Variants in MEF2C observed in about 807,000 individuals in gnomAD.
The protein encoded by MEF2C is myocyte enhancer factor 2C, also known as myocyte-specific enhancer factor 2C.
A neutral mutation model predicts 50.5 loss-of-function variants in MEF2C; 6 were observed. The ratio of observed to expected loss-of-function variants is 0.12; its 90% CI spans 0.07 to 0.23. MEF2C has a LOEUF of 0.23. Among genes scored for constraint, MEF2C ranks in the 10% least tolerant of loss-of-function variants. The probability of loss-of-function intolerance (pLI) is 1.00; values close to 1 mark genes in which losing one functional copy is unlikely to be tolerated. For missense variants in MEF2C, 276 were observed against 605.0 expected (o/e 0.46, Z 5.70); for synonymous variants, 183 against 228.0 (o/e 0.80, Z 1.78).
chr5:88,746,022 G>A (rs527661550), intron 6 of MEF2C, among the ~76,000 whole-genome samples: 2 of 152,226 alleles, frequency 1.3e-5, no homozygotes, highest in Non-Finnish European at 2.9e-5. Flanking sequence ...TAGAGCTGGA[G>A]GGCCGGGTTC....
At chr5:88,902,234 C>T (rs1429684785) in intron 1 of MEF2C, among the ~76,000 whole-genome samples, 14 of 151,534 alleles carry the variant, frequency 9.2e-5, no homozygotes, top group East Asian at 1.9e-4. Flanking sequence ...AAAAATTTAG[C>T]GACTATAGTT....
chr5:88,848,054 C>T lies in MEF2C; in HGVS notation c.-142-24124G>A, dbSNP rs1387428372. Among the ~76,000 whole-genome samples the T allele has an allele frequency of 2.0e-5, 3 of 152,144 alleles. No homozygotes were observed. In the East Asian group the frequency reaches 5.8e-4, roughly 29 times the overall value. ...TTCATTCAGCACGCTTACAACTATGCTTACAACTAGCGATTGGGCATAAAA... is the reference window on the plus strand; with the variant it reads ...TTCATTCAGCACGCTTACAACTATGTTTACAACTAGCGATTGGGCATAAAA... On this transcript the variant is annotated intron_variant, in intron 1 of 10. Coordinates refer to ENST00000504921, the MANE Select transcript of MEF2C (RefSeq NM_002397.5).
chr5:88,804,888 A>C, intron 2 of MEF2C, 87 bp from the exon 3 acceptor site: 1 of 1,084,338 alleles, frequency 9.2e-7, no homozygotes, highest in Non-Finnish European at 1.3e-6. Flanking sequence ...TCCTTCACAA[A>C]ACAATGGTGT....
chr5:88,753,839 C>T (rs1773985416), intron 4 of MEF2C, among the ~76,000 whole-genome samples: 1 of 152,162 alleles, frequency 6.6e-6, no homozygotes, highest in South Asian at 2.1e-4. Flanking sequence ...TTTGATAAGA[C>T]ATCAAATAAT....
chr5:88,817,696 A>T (rs1379042455), intron 2 of MEF2C: 1 of 151,972 alleles, frequency 6.6e-6, no homozygotes, highest in East Asian at 1.9e-4. Context: ...AACTTAAGGC[A>T]TTTAAATATA....
chr5:88,738,634 A>G, intron 6 of MEF2C: 1 of 985,340 alleles, frequency 1.0e-6, no homozygotes, highest in Non-Finnish European at 1.2e-6. Context: ...ATGCTCTGAG[A>G]TAGTGAAAGC....
At chr5:88,885,358 T>C (rs1179753409), upstream of MEF2C, among the ~76,000 whole-genome samples, 2 of 152,210 alleles carry the variant, frequency 1.3e-5, no homozygotes, top group Non-Finnish European at 2.9e-5. Context: ...ATCTGAACAA[T>C]CTTCAAGTTC....
intron 1 of MEF2C, among the ~76,000 whole-genome samples, chr5:88,834,817 G>T (rs943881915): frequency 3.3e-5 from 5 of 152,102 alleles, no homozygotes; most frequent in Admixed American, 3.3e-4. Flanking sequence ...TATAGAGTGG[G>T]AATAGTAACA....
At chr5:88,777,132 T>C (rs1480334239) in intron 3 of MEF2C, among the ~76,000 whole-genome samples, 2 of 152,226 alleles carry the variant, frequency 1.3e-5, no homozygotes, top group African/African-American at 4.8e-5. Context: ...AGTGATGAGC[T>C]TAAGGGTATC....
intron 3 of MEF2C, chr5:88,775,725 A>G (rs1784444648): frequency 1.4e-6 from 1 of 725,868 alleles, no homozygotes; most frequent in Non-Finnish European, 1.7e-6. Context: ...GACTGCATAT[A>G]TTATGCAGAT....
At chr5:88,771,319 C>G (rs1027626758) in intron 3 of MEF2C, 1 of 563,590 alleles carries the variant, frequency 1.8e-6, no homozygotes, top group Non-Finnish European at 2.2e-6. Context: ...CTTTGATATA[C>G]GCCATTCCAT....
intron 6 of MEF2C, chr5:88,737,892 G>C (rs1764774230): frequency 2.0e-6 from 2 of 984,942 alleles, no homozygotes; most frequent in Non-Finnish European, 2.4e-6. Flanking sequence ...GCCTAAGATA[G>C]CTTCTTAGTT....
At chr5:88,808,271 T>C (rs1801378036) in intron 2 of MEF2C, among the ~76,000 whole-genome samples, 2 of 152,208 alleles carry the variant, frequency 1.3e-5, no homozygotes, top group Non-Finnish European at 2.9e-5. Context: ...CAGAAGGCAC[T>C]GACCTAGACT....
chr5:88,896,629 C>A (rs891048953), intron 1 of MEF2C, among the ~76,000 whole-genome samples: 2 of 152,056 alleles, frequency 1.3e-5, no homozygotes, highest in African/African-American at 4.8e-5. Context: ...TAAAGAGTAT[C>A]CATATCAAAT....
intron 3 of MEF2C, among the ~76,000 whole-genome samples, chr5:88,776,897 G>C (rs1174941193): frequency 6.6e-6 from 1 of 152,160 alleles, no homozygotes; most frequent in African/African-American, 2.4e-5. Flanking sequence ...AACTCAACAA[G>C]GCCAAGTGCA....
intron 2 of MEF2C, among the ~76,000 whole-genome samples, chr5:88,811,586 C>T (rs1351712288): frequency 1.3e-5 from 2 of 152,014 alleles, no homozygotes; most frequent in African/African-American, 4.8e-5. Flanking sequence ...AAGCATGCAC[C>T]CTACAGAATC....
In MEF2C at chr5:88,761,026, C is replaced by A. The variant is rs780483988; in HGVS notation, c.402+159G>T. On this transcript the variant is annotated intron_variant, in intron 4 of 10. Coordinates refer to ENST00000504921, the MANE Select transcript of MEF2C (RefSeq NM_002397.5). The stretch of plus-strand genomic sequence containing the variant: ...CTCTTGATCATATTATCAAATTCTT[C>A]ATTAATTTTTTTGTATTTTTCTTCA... 3.7e-6 allele frequency: 6 copies of A among 1,611,354 alleles called. No homozygotes were observed. The South Asian group carries it at 6.7e-5, about 18-fold the overall frequency.
chr5:88,755,014 C>A, intron 4 of MEF2C, among the ~76,000 whole-genome samples: 1 of 152,184 alleles, frequency 6.6e-6, no homozygotes, highest in East Asian at 1.9e-4. Flanking sequence ...CCTATTTAAT[C>A]CTGCAATTTG....
At chr5:88,761,562 G>A (rs1038981149) in intron 3 of MEF2C, among the ~76,000 whole-genome samples, 12 of 152,016 alleles carry the variant, frequency 7.9e-5, no homozygotes, top group African/African-American at 2.9e-4. Context: ...ATGAACAGAG[G>A]GTATAAGGAC....
Sources: allele counts gnomAD v4.1 joint callset (sites outside exome capture counted in the v4.1 genomes callset), GRCh38; gene constraint gnomAD v4.1.1; transcripts MANE v1.5; gene names NCBI Gene and HGNC (gene_info 2026-07-23, HGNC 2026-07-21).